The following SLC9A9 variants were observed in gnomAD, a reference collection of about 807,000 sequenced individuals.
SLC9A9 encodes solute carrier family 9 member A9, also known as sodium/hydrogen exchanger 9.
Under a neutral mutation model 77.8 loss-of-function variants are expected in SLC9A9, and 62 were observed. The observed-to-expected ratio is 0.80, with a 90% CI of 0.65 to 0.98. SLC9A9 has a LOEUF of 0.98. SLC9A9 is among the 50% of genes least tolerant of loss of function. The probability of loss-of-function intolerance (pLI) is 0.00; values close to 1 mark genes in which losing one functional copy is unlikely to be tolerated. For synonymous variants in SLC9A9, 320 were observed against 283.5 expected, an observed-to-expected ratio of 1.13 and a Z score of -1.29; for missense variants, 775 against 774.9, an observed-to-expected ratio of 1.00 and a Z score of 0.00.
chr3:143,706,424 A>C (rs1933979259), intron 4 of SLC9A9, among the ~76,000 whole-genome samples: 1 of 152,152 alleles, frequency 6.6e-6, no homozygotes. Context: ...TCTCACAATA[A>C]TACTTCATCC....
At chr3:143,669,704 A>G (rs1223381915) in intron 5 of SLC9A9, among the ~76,000 whole-genome samples, 1 of 152,174 alleles carries the variant, frequency 6.6e-6, no homozygotes, top group African/African-American at 2.4e-5. Flanking sequence ...TGTCAAACCA[A>G]CCTGTGTTCT....
At chr3:143,688,971 C>T (rs1314839786) in intron 5 of SLC9A9, among the ~76,000 whole-genome samples, 2 of 151,590 alleles carry the variant, frequency 1.3e-5, no homozygotes, top group African/African-American at 2.4e-5. Flanking sequence ...TTATAAATTA[C>T]ATGAATCTTA....
At chr3:143,767,842 A>G (rs1249121413) in intron 4 of SLC9A9, among the ~76,000 whole-genome samples, 1 of 152,210 alleles carries the variant, frequency 6.6e-6, no homozygotes, top group East Asian at 1.9e-4. Context: ...ATGATTATAA[A>G]GAGGAAGTTT....
At chr3:143,433,014 T>A (rs1242441031) in intron 12 of SLC9A9, among the ~76,000 whole-genome samples, 3 of 152,224 alleles carry the variant, frequency 2.0e-5, no homozygotes, top group Admixed American at 6.5e-5. Flanking sequence ...CAATCAGCCC[T>A]GGTGGTGTTT....
chr3:143,781,165 T>C (rs777802361), intron 4 of SLC9A9, among the ~76,000 whole-genome samples: 11 of 152,220 alleles, frequency 7.2e-5, no homozygotes, highest in Non-Finnish European at 1.2e-4. Context: ...GGGTTCACTA[T>C]TTGCATTGCA....
chr3:143,846,770 T>C (rs2009840047), intron 1 of SLC9A9, among the ~76,000 whole-genome samples: 1 of 152,208 alleles, frequency 6.6e-6, no homozygotes, highest in South Asian at 2.1e-4. Context: ...TTTTTTTTCT[T>C]TTTTTAATTA....
rs556578333 is a variant in SLC9A9 at position 143,307,695 on chromosome 3, C to A, written c.1605-38715G>T. ...CTGGCCTCTGTTTCCTGGTCCTCAGCCTTGCAATGATAGCCAGTTGGCTGC... is the reference window on the plus strand; with the variant it reads ...CTGGCCTCTGTTTCCTGGTCCTCAGACTTGCAATGATAGCCAGTTGGCTGC... On this transcript the variant is annotated intron_variant, in intron 14 of 15. Transcript: ENST00000316549. 1.3e-4 allele frequency among the ~76,000 whole-genome samples: 20 copies of A among 152,310 alleles called. No homozygotes were observed. In the East Asian group the frequency reaches 3.7e-3, roughly 28 times the overall value.
chr3:143,661,062 G>C (rs1203160947), intron 5 of SLC9A9, among the ~76,000 whole-genome samples: 1 of 152,010 alleles, frequency 6.6e-6, no homozygotes, highest in Admixed American at 6.6e-5. Flanking sequence ...TACCATATCT[G>C]GGCTACATTG....
intron 6 of SLC9A9, among the ~76,000 whole-genome samples, chr3:143,636,036 T>C (rs1446417236): frequency 1.3e-5 from 2 of 152,164 alleles, no homozygotes; most frequent in East Asian, 1.9e-4. Context: ...ATCTGTAGAA[T>C]AGGCTTAAAA....
intron 12 of SLC9A9, among the ~76,000 whole-genome samples, chr3:143,401,394 T>C (rs1002620947): frequency 6.6e-6 from 1 of 152,168 alleles, no homozygotes; most frequent in African/African-American, 2.4e-5. Flanking sequence ...AACCAGCTCT[T>C]ATAATAGTTC....
At chr3:143,569,548 C>G (rs1252054496) in intron 8 of SLC9A9, among the ~76,000 whole-genome samples, 3 of 152,034 alleles carry the variant, frequency 2.0e-5, no homozygotes, top group Non-Finnish European at 4.4e-5. Flanking sequence ...AAATTATACA[C>G]TATCATTAAG....
intron 4 of SLC9A9, among the ~76,000 whole-genome samples, chr3:143,704,148 A>G (rs902279969): frequency 6.6e-6 from 1 of 152,196 alleles, no homozygotes; most frequent in African/African-American, 2.4e-5. Context: ...CAAAAATTTA[A>G]AGAACTAATG....
At chr3:143,749,894 C>T (rs148402091) in intron 4 of SLC9A9, among the ~76,000 whole-genome samples, 3 of 152,318 alleles carry the variant, frequency 2.0e-5, no homozygotes, top group Admixed American at 6.5e-5. Context: ...TGCTCAGGCA[C>T]TTAAATCACT....
chr3:143,373,864 G>C (rs185580997), intron 13 of SLC9A9, among the ~76,000 whole-genome samples: 1 of 152,088 alleles, frequency 6.6e-6, no homozygotes, highest in South Asian at 2.1e-4. Context: ...TGGAGGGCTA[G>C]AAAGAGGGCA....
chr3:143,410,883 T>G (rs2034083799), intron 12 of SLC9A9, among the ~76,000 whole-genome samples: 1 of 152,214 alleles, frequency 6.6e-6, no homozygotes, highest in East Asian at 1.9e-4. Flanking sequence ...TAGCGAGGAT[T>G]TTCCTATTAT....
intron 4 of SLC9A9, among the ~76,000 whole-genome samples, chr3:143,785,734 CTTGG>C (rs1401327267): frequency 6.6e-6 from 1 of 150,670 alleles, no homozygotes; most frequent in Non-Finnish European, 1.5e-5. Context: ...TTTACTGTAA[CTTGG>C]TTGGAGCAAA....
intron 9 of SLC9A9, among the ~76,000 whole-genome samples, chr3:143,523,496 C>G (rs1454459144): frequency 1.3e-5 from 2 of 152,108 alleles, no homozygotes; most frequent in Non-Finnish European, 2.9e-5. Flanking sequence ...GTTAAGATCT[C>G]TTATACTTAG....
intron 12 of SLC9A9, among the ~76,000 whole-genome samples, chr3:143,439,396 A>T (rs1256444838): frequency 6.6e-6 from 1 of 152,180 alleles, no homozygotes; most frequent in Non-Finnish European, 1.5e-5. Flanking sequence ...AGCTCATTGT[A>T]CTTTCAGAGT....
intron 9 of SLC9A9, among the ~76,000 whole-genome samples, chr3:143,549,103 C>A (rs552921145): frequency 1.1e-4 from 16 of 152,204 alleles, no homozygotes; most frequent in Non-Finnish European, 2.1e-4. Context: ...CATGTAACAT[C>A]ATATAATACT....
Sources: gnomAD v4.1 joint callset for allele counts (sites outside exome capture counted in the v4.1 genomes callset) on GRCh38, gnomAD v4.1.1 for gene constraint, MANE v1.5 for transcripts, NCBI Gene and HGNC (gene_info 2026-07-23, HGNC 2026-07-21) for gene names.